The following TRIM33 variants were observed in gnomAD, a reference collection of about 807,000 sequenced individuals.
TRIM33 encodes the protein tripartite motif containing 33.
In TRIM33, 20 loss-of-function variants were observed where a neutral mutation model predicts 125.4. That is an observed-to-expected ratio of 0.16 (90% CI 0.11 to 0.23). The LOEUF (loss-of-function observed/expected upper bound fraction) is 0.23. Among genes scored for constraint, TRIM33 ranks in the 10% least tolerant of loss-of-function variants. The pLI is 1.00. For missense variants in TRIM33, 920 were observed against 1,411.4 expected, an observed-to-expected ratio of 0.65 and a Z score of 5.58; for synonymous variants, 564 against 513.9, an observed-to-expected ratio of 1.10 and a Z score of -1.32.
intron 11 of TRIM33, among the ~76,000 whole-genome samples, chr1:114,411,517 T>C (rs998892769): frequency 6.6e-6 from 1 of 152,112 alleles, no homozygotes; most frequent in Non-Finnish European, 1.5e-5. Context: ...AGATTTGTTA[T>C]GAGGGGGGAG....
At chr1:114,409,332 C>T (rs1288124132) in intron 12 of TRIM33, among the ~76,000 whole-genome samples, 6 of 152,102 alleles carry the variant, frequency 3.9e-5, no homozygotes, top group Admixed American at 2.0e-4. Flanking sequence ...TTAATAAAAC[C>T]GCTGGGATTT....
intron 1 of TRIM33, among the ~76,000 whole-genome samples, chr1:114,495,950 G>A (rs761179919): frequency 3.3e-5 from 5 of 152,106 alleles, no homozygotes; most frequent in South Asian, 2.1e-4. Flanking sequence ...CCTCTCCAGC[G>A]AGATTCAGTG....
At chr1:114,482,231 G>A (rs1651404189) in intron 1 of TRIM33, among the ~76,000 whole-genome samples, 1 of 151,962 alleles carries the variant, frequency 6.6e-6, no homozygotes, top group African/African-American at 2.4e-5. Context: ...TTAACACCAT[G>A]AACTTAGAGA....
At chr1:114,437,194 A>G (rs1305871764) in intron 4 of TRIM33, among the ~76,000 whole-genome samples, 1 of 152,240 alleles carries the variant, frequency 6.6e-6, no homozygotes, top group African/African-American at 2.4e-5. Context: ...AATATGATAT[A>G]CCTAGGTAAA....
rs993476166 is a variant in TRIM33, at chr1:114,393,006, C to T, written c.*4642G>A. 5.0e-6 allele frequency: 1 copy of T among 200,158 alleles called. No homozygotes were observed. Among genetic ancestry groups the T allele is most frequent in the Non-Finnish European group, 1.0e-5 (1 of 96,908 alleles). The allele number at this position is 200,158 out of a possible 1,614,324, so 12.4% of individuals were successfully genotyped here. A position where few individuals can be genotyped will look rare whatever the true frequency, so the allele number is the denominator to read the frequency against. ...GGAACGAAACAATTAGAAACTGCAA[C>T]CTTGTTTTAAAAAATTAAATATGAT... On this transcript the variant is annotated 3_prime_UTR_variant, in exon 20 of 20. Coordinates refer to ENST00000358465, the MANE Select transcript of TRIM33 (RefSeq NM_015906.4).
intron 4 of TRIM33, among the ~76,000 whole-genome samples, chr1:114,445,218 A>G (rs921446766): frequency 6.6e-6 from 1 of 152,166 alleles, no homozygotes; most frequent in Non-Finnish European, 1.5e-5. Context: ...CGTGTAACTG[A>G]AGTCCTAGGA....
chr1:114,407,344 TCA>T (rs754655019), intron 13 of TRIM33, among the ~76,000 whole-genome samples: 2 of 151,806 alleles, frequency 1.3e-5, no homozygotes, highest in South Asian at 2.1e-4. Context: ...AGCACTTTCT[TCA>T]CACACACACA....
At position 114,482,801 on chromosome 1, in the gene TRIM33, G is replaced by A. The variant is rs116608231; in HGVS notation, c.527-18413C>T. On this transcript the variant is annotated intron_variant, in intron 1 of 19. Coordinates refer to ENST00000358465, the MANE Select transcript of TRIM33 (RefSeq NM_015906.4). ...TCACTCTCTCTTCCTCCTGTCAGCC[G>A]TATGAAGATGTGCTTAACTTCCCTT... Among the ~76,000 whole-genome samples the A allele has an allele frequency of 7.0e-3, 1,070 of 152,214 alleles. 10 individuals are homozygous for A. Among genetic ancestry groups the A allele is most frequent in the African/African-American group, 0.025 (1,036 of 41,500 alleles).
At chr1:114,460,367 GTAA>G (rs1649890657) in intron 4 of TRIM33, 1 of 153,678 alleles carries the variant, frequency 6.5e-6, no homozygotes, top group African/African-American at 2.4e-5. Context: ...CAGGAATAAA[GTAA>G]TCTTATATAC....
chr1:114,486,022 C>T (rs1185770526), intron 1 of TRIM33, among the ~76,000 whole-genome samples: 1 of 152,146 alleles, frequency 6.6e-6, no homozygotes, highest in Non-Finnish European at 1.5e-5. Context: ...CACCTGTAAT[C>T]CCAGCACTTT....
chr1:114,413,319 G>C (rs1652704176), intron 11 of TRIM33, among the ~76,000 whole-genome samples: 1 of 152,052 alleles, frequency 6.6e-6, no homozygotes, highest in Admixed American at 6.6e-5. Flanking sequence ...AGCACTTTAG[G>C]AGGCCGAGGT....
chr1:114,482,529 GCA>G (rs1291953707), intron 1 of TRIM33, among the ~76,000 whole-genome samples: 2 of 152,236 alleles, frequency 1.3e-5, no homozygotes, highest in Non-Finnish European at 2.9e-5. Context: ...AGAAAAGAGA[GCA>G]CATTGTGCCA....
At chr1:114,480,340 T>TCGGAAGG (rs1230326215) in intron 1 of TRIM33, among the ~76,000 whole-genome samples, 2 of 152,062 alleles carry the variant, frequency 1.3e-5, no homozygotes, top group Admixed American at 6.6e-5. Context: ...CACAAACACT[T>TCGGAAGG]CGGAAGGCCG....
At chr1:114,480,542 A>C (rs1651264510) in intron 1 of TRIM33, among the ~76,000 whole-genome samples, 1 of 150,532 alleles carries the variant, frequency 6.6e-6, no homozygotes, top group African/African-American at 2.4e-5. Flanking sequence ...AAAAAGAGAG[A>C]TATCATAATT....
chr1:114,456,054 G>A (rs1002865705), intron 4 of TRIM33, among the ~76,000 whole-genome samples: 2 of 152,152 alleles, frequency 1.3e-5, no homozygotes, highest in African/African-American at 4.8e-5. Flanking sequence ...ACAGCTAATG[G>A]GATTAAGGTA....
intron 1 of TRIM33, among the ~76,000 whole-genome samples, chr1:114,467,376 A>G (rs577465031): frequency 6.6e-6 from 1 of 152,220 alleles, no homozygotes; most frequent in African/African-American, 2.4e-5. Context: ...CAGAAATGTA[A>G]TGAGTAAGTT....
chr1:114,464,554 C>A (rs1317886808), intron 1 of TRIM33, among the ~76,000 whole-genome samples, 166 bp from the exon 2 acceptor site: 1 of 152,162 alleles, frequency 6.6e-6, no homozygotes, highest in African/African-American at 2.4e-5. Flanking sequence ...AAAAGTGATA[C>A]TCTATTTAGG....
intron 4 of TRIM33, among the ~76,000 whole-genome samples, chr1:114,451,887 C>A (rs1649336191): frequency 1.3e-5 from 2 of 151,742 alleles, no homozygotes; most frequent in Admixed American, 1.3e-4. Context: ...CAGGGAGAGG[C>A]AAGAAAAAAC....
chr1:114,446,779 G>T (rs538480245), intron 4 of TRIM33, among the ~76,000 whole-genome samples: 1 of 152,138 alleles, frequency 6.6e-6, no homozygotes, highest in Non-Finnish European at 1.5e-5. Flanking sequence ...AAGGAGCCTG[G>T]CATGGTGGCT....
Sources: gnomAD v4.1 joint callset for allele counts (sites outside exome capture counted in the v4.1 genomes callset) on GRCh38, gnomAD v4.1.1 for gene constraint, MANE v1.5 for transcripts, NCBI Gene and HGNC (gene_info 2026-07-23, HGNC 2026-07-21) for gene names.